The following ABCC4 variants were observed in gnomAD, a reference collection of about 807,000 sequenced individuals.
ABCC4 encodes ATP binding cassette subfamily C member 4 (PEL blood group).
In ABCC4, 102 loss-of-function variants were observed where a neutral mutation model predicts 168.5. The ratio of observed to expected loss-of-function variants is 0.61; its 90% CI spans 0.52 to 0.71. ABCC4 has a LOEUF of 0.71. Ranked by LOEUF, ABCC4 falls within the 30% of genes least tolerant of loss-of-function variation. The pLI is 0.00. For synonymous variants in ABCC4, 617 were observed against 590.7 expected, an observed-to-expected ratio of 1.04 and a Z score of -0.65; for missense variants, 1,402 against 1,605.8, an observed-to-expected ratio of 0.87 and a Z score of 2.17.
chr13:95,107,175 T>C (rs879865856), intron 20 of ABCC4, among the ~76,000 whole-genome samples: 3 of 152,034 alleles, frequency 2.0e-5, no homozygotes, highest in African/African-American at 4.8e-5. Flanking sequence ...GACAATCACT[T>C]GGAACAGGGA....
chr13:95,125,737 G>A lies in ABCC4; in HGVS notation c.2456-9736C>T, dbSNP rs1390095131. Reference sequence around the variant, plus strand: ...TTGAAAACACCTGATAAATTGCCTCGGGAAACCATTTTGCTATAGCAGCTA... The same window carrying A: ...TTGAAAACACCTGATAAATTGCCTCAGGAAACCATTTTGCTATAGCAGCTA... On this transcript the variant is annotated intron_variant, in intron 19 of 30. Coordinates refer to ENST00000645237, the MANE Select transcript of ABCC4 (RefSeq NM_005845.5). Among the ~76,000 whole-genome samples the A allele has an allele frequency of 5.3e-5, 8 of 152,136 alleles. No homozygotes were observed. In the South Asian group the frequency reaches 6.2e-4, roughly 12 times the overall value.
chr13:95,027,598 T>C (rs566652870), intron 30 of ABCC4, among the ~76,000 whole-genome samples: 128 of 152,238 alleles, frequency 8.4e-4, no homozygotes, highest in Middle Eastern at 3.4e-3. Context: ...TAAGTATATT[T>C]GGGGTTTGAA....
intron 20 of ABCC4, among the ~76,000 whole-genome samples, chr13:95,090,921 T>C (rs1212205264): frequency 6.6e-6 from 1 of 151,822 alleles, no homozygotes; most frequent in African/African-American, 2.4e-5. Context: ...AAGAAACAGA[T>C]AGCTTAAAAA....
chr13:95,284,249 C>T (rs760538911), intron 1 of ABCC4, among the ~76,000 whole-genome samples: 3 of 151,980 alleles, frequency 2.0e-5, no homozygotes, highest in Non-Finnish European at 4.4e-5. Context: ...TGCAGGGGTG[C>T]GATCATGTGT....
In ABCC4 at chr13:95,209,542, GTCAC is replaced by G. The variant is rs1205439089; in HGVS notation, c.673_676del (p.Val225LeufsTer8). On this transcript the variant is annotated frameshift_variant, in exon 6 of 31. Coordinates refer to ENST00000645237, the MANE Select transcript of ABCC4 (RefSeq NM_005845.5). LOFTEE classifies it high-confidence loss of function. ...TCCTATCTCCATCCAGAGTAGGGCA[GTCAC>G]TGCAATCGCCTGCAGTGGTCCTGCC... 13 of 1,614,170 alleles carry G rather than the reference GTCAC, an allele frequency of 8.1e-6. No individual in the cohort carries two copies. Among genetic ancestry groups the G allele is most frequent in the Non-Finnish European group, 1.1e-5 (13 of 1,179,988 alleles).
At chr13:95,244,529 C>T (rs760988671) in intron 3 of ABCC4, among the ~76,000 whole-genome samples, 1 of 148,656 alleles carries the variant, frequency 6.7e-6, no homozygotes, top group Non-Finnish European at 1.5e-5. Flanking sequence ...CAAGATAGCA[C>T]CACTGCACTC....
chr13:95,285,212 T>TACTCCAGCCTGGACAACAGAGCCACTGC, intron 1 of ABCC4, among the ~76,000 whole-genome samples: 2 of 151,528 alleles, frequency 1.3e-5, no homozygotes, highest in South Asian at 2.1e-4. Flanking sequence ...CACACCACTG[T>TACTCCAGCCTGGACAACAGAGCCACTGC]ACTCCAGCCT....
At chr13:95,031,665 A>T (rs1295696028) in intron 30 of ABCC4, among the ~76,000 whole-genome samples, 2 of 152,266 alleles carry the variant, frequency 1.3e-5, no homozygotes, top group Non-Finnish European at 2.9e-5. Context: ...TTTCAATTCT[A>T]TGACCAATGT....
chr13:95,210,049 C>G (rs1428072466), intron 5 of ABCC4, among the ~76,000 whole-genome samples: 1 of 152,180 alleles, frequency 6.6e-6, no homozygotes. Context: ...ATTCATTGTC[C>G]CTGACACTGA....
At chr13:95,113,851 A>G (rs2035285137) in intron 20 of ABCC4, among the ~76,000 whole-genome samples, 1 of 152,212 alleles carries the variant, frequency 6.6e-6, no homozygotes, top group Non-Finnish European at 1.5e-5. Flanking sequence ...TAAACAATGA[A>G]TGTTGGGAAA....
At position 95,062,878 on chromosome 13, in the gene ABCC4, G is replaced by T; in HGVS notation, c.3211-19C>A. 6.7e-7 allele frequency: 1 copy of T among 1,496,678 alleles called. No homozygotes were observed. The allele number at this position is 1,496,678 out of a possible 1,614,324, so 92.7% of individuals were successfully genotyped here. A position where few individuals can be genotyped will look rare whatever the true frequency, so the allele number is the denominator to read the frequency against. On this transcript the variant is annotated intron_variant, in intron 25 of 30. Transcript: ENST00000645237. ...TGCCAACCTACAGAGAGATCCAGGC[G>T]GCAGGATTAAAAAAAAAAAGAAAAA...
intron 4 of ABCC4, among the ~76,000 whole-genome samples, chr13:95,233,494 C>A (rs73546820): frequency 0.015 from 2,343 of 152,050 alleles, 69 homozygotes; most frequent in African/African-American, 0.054. Context: ...CTGAAGACTA[C>A]TAGAGTTGGG....
intron 19 of ABCC4, among the ~76,000 whole-genome samples, chr13:95,129,355 T>A (rs117897998): frequency 0.013 from 2,044 of 152,322 alleles, 23 homozygotes; most frequent in South Asian, 0.023. Context: ...GCTAAAGCAA[T>A]AAACATAATG....
Position 95,203,721 on chromosome 13 carries a change from A to C in ABCC4, c.1161+2811T>G, listed in dbSNP as rs148305765. Among the ~76,000 whole-genome samples the C allele has an allele frequency of 7.9e-5, 12 of 152,072 alleles. No homozygotes were observed. In the East Asian group the frequency reaches 2.1e-3, roughly 27 times the overall value. Reference sequence around the variant, plus strand: ...TTACAAGAGCAGGTCCACCAAGTCCAAGAGGGTTTGAGATGCACAGAGGGA... The same window carrying C: ...TTACAAGAGCAGGTCCACCAAGTCCCAGAGGGTTTGAGATGCACAGAGGGA... On this transcript the variant is annotated intron_variant, in intron 8 of 30. Transcript: ENST00000645237.
chr13:95,231,975 A>G (rs902822176), intron 4 of ABCC4, among the ~76,000 whole-genome samples: 1 of 152,204 alleles, frequency 6.6e-6, no homozygotes, highest in African/African-American at 2.4e-5. Context: ...GTGGAGTGTT[A>G]GTGAAAATTT....
intron 1 of ABCC4, among the ~76,000 whole-genome samples, chr13:95,271,134 T>A (rs992272971): frequency 6.6e-6 from 1 of 151,992 alleles, no homozygotes; most frequent in African/African-American, 2.4e-5. Context: ...AGTGGAAAAA[T>A]ACACCCAAGA....
rs2038886715 is a variant in ABCC4, at chr13:95,209,474, G to A, written c.745C>T (p.Pro249Ser). Residue 249 changes from proline to serine, a missense_variant, in exon 6 of 31, where the codon CCC (proline) becomes TCC (serine). By Grantham distance (74) the Pro-to-Ser change is moderately conservative (BLOSUM62 -1). Transcript: ENST00000645237. Reference sequence around the variant, plus strand: ...AACTTCCCAAAACAGCTTTGCAAGGGCAGGAGAATGATTAGAACTGCCATC... The same window carrying A: ...AACTTCCCAAAACAGCTTTGCAAGGACAGGAGAATGATTAGAACTGCCATC... ...AGMAVLIILL[P>S]LQSCFGKLFS... 6.2e-7 allele frequency: 1 copy of A among 1,614,036 alleles called. No homozygotes were observed. The highest frequency in any genetic ancestry group is 8.5e-7 in the Non-Finnish European group (1 of 1,180,008).
intron 1 of ABCC4, among the ~76,000 whole-genome samples, chr13:95,249,229 A>AG (rs1566568051): frequency 2.5e-4 from 37 of 148,516 alleles, no homozygotes; most frequent in Admixed American, 2.7e-4. Flanking sequence ...AAAAAAAAAA[A>AG]AAGAAGAAGA....
At chr13:95,110,515 T>C (rs954285936) in intron 20 of ABCC4, among the ~76,000 whole-genome samples, 1 of 152,172 alleles carries the variant, frequency 6.6e-6, no homozygotes, top group African/African-American at 2.4e-5. Flanking sequence ...TGAAAACTAC[T>C]GATTCCAAAT....
Sources: allele counts gnomAD v4.1 joint callset (sites outside exome capture counted in the v4.1 genomes callset), GRCh38; gene constraint gnomAD v4.1.1; transcripts MANE v1.5; gene names NCBI Gene and HGNC (gene_info 2026-07-23, HGNC 2026-07-21).